FSTL5: variants seen among roughly 807,000 people sequenced by gnomAD.
The protein encoded by FSTL5 is follistatin like 5.
In FSTL5, 62 loss-of-function variants were observed where a neutral mutation model predicts 89.1. The ratio of observed to expected loss-of-function variants is 0.70; its 90% confidence interval spans 0.57 to 0.86. The LOEUF is 0.86. Ranked by LOEUF, FSTL5 falls within the 40% of genes least tolerant of loss-of-function variation. The probability of loss-of-function intolerance (pLI) is 0.00; values close to 1 mark genes in which losing one functional copy is unlikely to be tolerated. For synonymous variants in FSTL5, 383 were observed against 346.2 expected (o/e 1.11, Z -1.18); for missense variants, 1,057 against 1,001.6 (o/e 1.06, Z -0.75).
chr4:161,800,006 T>C (rs1729746327), intron 4 of FSTL5, among the ~76,000 whole-genome samples: 1 of 151,764 alleles, frequency 6.6e-6, no homozygotes. Flanking sequence ...ATGCCATAGA[T>C]GCTAAGATTA....
At chr4:162,085,506 T>A (rs1172851123) in intron 2 of FSTL5, among the ~76,000 whole-genome samples, 1 of 110,398 alleles carries the variant, frequency 9.1e-6, no homozygotes, top group Non-Finnish European at 2.0e-5. Flanking sequence ...TATCCAGTAT[T>A]TCAAACATAT....
intron 3 of FSTL5, among the ~76,000 whole-genome samples, chr4:161,937,932 A>G (rs1734476838): frequency 6.6e-6 from 1 of 152,056 alleles, no homozygotes; most frequent in Non-Finnish European, 1.5e-5. Context: ...TTCCTCTGAC[A>G]TCATCTCACC....
chr4:161,895,007 C>T (rs1318745656), intron 4 of FSTL5, among the ~76,000 whole-genome samples: 1 of 152,180 alleles, frequency 6.6e-6, no homozygotes, highest in Non-Finnish European at 1.5e-5. Context: ...AGGTACTGTG[C>T]TTTGGGAGTT....
intron 10 of FSTL5, among the ~76,000 whole-genome samples, chr4:161,517,981 C>A (rs190866873): frequency 6.6e-6 from 1 of 152,258 alleles, no homozygotes; most frequent in East Asian, 1.9e-4. Context: ...GTTGAAATTT[C>A]TTTGAATATA....
At chr4:161,975,774 T>C (rs1324737919) in intron 3 of FSTL5, among the ~76,000 whole-genome samples, 1 of 144,294 alleles carries the variant, frequency 6.9e-6, no homozygotes, top group East Asian at 2.0e-4. Context: ...TAAAATAAAA[T>C]AAAATAAAAT....
intron 6 of FSTL5, among the ~76,000 whole-genome samples, chr4:161,674,354 G>C (rs1426462376): frequency 6.6e-6 from 1 of 152,136 alleles, no homozygotes; most frequent in African/African-American, 2.4e-5. Flanking sequence ...TGATACAGCA[G>C]ATTCAGTGCA....
chr4:161,432,610 A>C, intron 15 of FSTL5, among the ~76,000 whole-genome samples: 1 of 152,030 alleles, frequency 6.6e-6, no homozygotes, highest in East Asian at 1.9e-4. Flanking sequence ...GAAGTAAATT[A>C]AAACAAAAAA....
intron 4 of FSTL5, among the ~76,000 whole-genome samples, chr4:161,829,958 A>T (rs1420449167): frequency 1.3e-5 from 2 of 152,082 alleles, no homozygotes; most frequent in African/African-American, 4.8e-5. Context: ...AAAGACTAGA[A>T]TCAGAACCAT....
chr4:161,732,279 C>G (rs1739637136), intron 6 of FSTL5, among the ~76,000 whole-genome samples: 1 of 152,002 alleles, frequency 6.6e-6, no homozygotes, highest in African/African-American at 2.4e-5. Flanking sequence ...GTCATATGCA[C>G]ATTTTTTATG....
intron 7 of FSTL5, among the ~76,000 whole-genome samples, chr4:161,653,819 T>C (rs1434805664): frequency 6.6e-6 from 1 of 152,138 alleles, no homozygotes. Flanking sequence ...AGGAATATAT[T>C]GGAAATTTGA....
At chr4:162,096,276 T>C (rs1730750234) in intron 2 of FSTL5, among the ~76,000 whole-genome samples, 1 of 151,840 alleles carries the variant, frequency 6.6e-6, no homozygotes, top group African/African-American at 2.4e-5. Context: ...AAATCAAAAT[T>C]CACAAATCAC....
chr4:162,079,698 T>G (rs192614499), intron 2 of FSTL5, among the ~76,000 whole-genome samples: 1 of 151,392 alleles, frequency 6.6e-6, no homozygotes, highest in East Asian at 2.0e-4. Flanking sequence ...AGTCTTATAA[T>G]GAGAATAGGA....
At chr4:161,946,235 G>T (rs1489368324) in intron 3 of FSTL5, among the ~76,000 whole-genome samples, 1 of 152,040 alleles carries the variant, frequency 6.6e-6, no homozygotes, top group East Asian at 1.9e-4. Context: ...AATCTTGTCT[G>T]GTGCCTTGTG....
At chr4:161,821,830 G>A (rs1295590438) in intron 4 of FSTL5, among the ~76,000 whole-genome samples, 2 of 152,002 alleles carry the variant, frequency 1.3e-5, no homozygotes, top group African/African-American at 2.4e-5. Context: ...CCCACTTGTT[G>A]ATTGATGAGC....
At chr4:161,770,504 TAATA>T (rs1316103016) in intron 5 of FSTL5, among the ~76,000 whole-genome samples, 1 of 151,886 alleles carries the variant, frequency 6.6e-6, no homozygotes, top group Non-Finnish European at 1.5e-5. Flanking sequence ...AATTAAAAAT[TAATA>T]AATAAAAAGC....
chr4:161,810,013 T>C (rs763036161), intron 4 of FSTL5, among the ~76,000 whole-genome samples: 3 of 152,156 alleles, frequency 2.0e-5, no homozygotes, highest in Non-Finnish European at 4.4e-5. Flanking sequence ...CAAAATTTCA[T>C]TGCTTACAAA....
intron 8 of FSTL5, among the ~76,000 whole-genome samples, chr4:161,581,016 C>T (rs1000029802): frequency 1.3e-5 from 2 of 151,986 alleles, no homozygotes; most frequent in Admixed American, 1.3e-4. Flanking sequence ...GCCAATACCA[C>T]CCCCCAAGCA....
At chr4:161,579,552 C>A (rs891857470) in intron 8 of FSTL5, among the ~76,000 whole-genome samples, 1 of 151,592 alleles carries the variant, frequency 6.6e-6, no homozygotes, top group Non-Finnish European at 1.5e-5. Flanking sequence ...ACCCCCTCTC[C>A]ATTAAAATAT....
chr4:161,631,133 C>G (rs1735492171), intron 7 of FSTL5, among the ~76,000 whole-genome samples: 3 of 152,158 alleles, frequency 2.0e-5, no homozygotes, highest in Admixed American at 2.0e-4. Context: ...CCAAGATCCA[C>G]TACAGCAATG....
Sources: gnomAD v4.1 joint callset for allele counts (sites outside exome capture counted in the v4.1 genomes callset) on GRCh38, gnomAD v4.1.1 for gene constraint, MANE v1.5 for transcripts, NCBI Gene and HGNC (gene_info 2026-07-23, HGNC 2026-07-21) for gene names.